The following LIPJ variants were observed in gnomAD, a reference collection of about 807,000 sequenced individuals.
LIPJ encodes the protein lipase member J.
A neutral mutation model predicts 39.8 loss-of-function variants in LIPJ; 33 were observed. The observed-to-expected ratio is 0.83, with a 90% confidence interval of 0.63 to 1.11. The LOEUF (loss-of-function observed/expected upper bound fraction) is 1.11. Ranked by LOEUF, LIPJ falls within the 50% of genes least tolerant of loss-of-function variation. The pLI is 0.00. For synonymous variants in LIPJ, 128 were observed against 139.2 expected (o/e 0.92, Z 0.57); for missense variants, 422 against 427.9 (o/e 0.99, Z 0.12).
upstream of LIPJ, chr10:88,583,661 T>C: frequency 1.0e-6 from 1 of 988,976 alleles, no homozygotes; most frequent in Non-Finnish European, 1.2e-6. Context: ...CGGGCAACCT[T>C]TCCTCTAATG....
intron 8 of LIPJ, among the ~76,000 whole-genome samples, chr10:88,598,933 A>T (rs1408613927): frequency 6.0e-5 from 8 of 133,214 alleles, no homozygotes; most frequent in African/African-American, 2.4e-4. Context: ...ATTTAATAAT[A>T]TAATATTTTA....
chr10:88,616,938 C>T, the LIPJ span, among the ~76,000 whole-genome samples: 1 of 152,120 alleles, frequency 6.6e-6, no homozygotes, highest in Non-Finnish European at 1.5e-5. Flanking sequence ...CTGCTTGGTC[C>T]CCAGTGTGTA....
chr10:88,594,522 T>C, intron 5 of LIPJ, 145 bp from the exon 6 acceptor site: 1 of 474,844 alleles, frequency 2.1e-6, no homozygotes, highest in Non-Finnish European at 3.7e-6. Context: ...GAAGTCTCTA[T>C]TCAGAAGATA....
intron 4 of LIPJ, chr10:88,591,731 G>T (rs1311786693): frequency 2.5e-5 from 7 of 278,888 alleles, no homozygotes; most frequent in Non-Finnish European, 4.7e-5. Flanking sequence ...TTCCTTTGTG[G>T]ATCACTTTGC....
At chr10:88,603,704 A>G (rs1373850924) in intron 9 of LIPJ, among the ~76,000 whole-genome samples, 2 of 152,196 alleles carry the variant, frequency 1.3e-5, no homozygotes, top group East Asian at 3.8e-4. Flanking sequence ...GAAAAGGCTA[A>G]TGATTATGAA....
At chr10:88,603,206 A>T (rs1283500800) in intron 9 of LIPJ, among the ~76,000 whole-genome samples, 1 of 152,236 alleles carries the variant, frequency 6.6e-6, no homozygotes, top group East Asian at 1.9e-4. Flanking sequence ...TTACAACAGT[A>T]GACTAGGGAT....
At chr10:88,586,024 G>C (rs908350872), upstream of LIPJ, among the ~76,000 whole-genome samples, 2 of 151,984 alleles carry the variant, frequency 1.3e-5, no homozygotes, top group East Asian at 3.9e-4. Flanking sequence ...ACTTATCTAT[G>C]GCAGAAGAAA....
the LIPJ span, among the ~76,000 whole-genome samples, chr10:88,619,926 T>G: frequency 7.9e-5 from 12 of 152,064 alleles, no homozygotes; most frequent in African/African-American, 2.7e-4. Flanking sequence ...AATTAAAAAC[T>G]TCTGCATTTT....
exon 5 of LIPJ, chr10:88,594,028 G>A: frequency 6.2e-7 from 1 of 1,612,326 alleles, no homozygotes; most frequent in Non-Finnish European, 8.5e-7. Context: ...ACAATAGTCT[G>A]GGCTTCATTC....
rs576632281 is a variant in LIPJ, at chr10:88,601,042, G to A, written c.724-1534G>A. 3.9e-5 allele frequency among the ~76,000 whole-genome samples: 6 copies of A among 152,018 alleles called. No homozygotes were observed. The South Asian group carries it at 8.3e-4, about 21-fold the overall frequency. On this transcript the variant is annotated intron_variant, in intron 8 of 10. Transcript: ENST00000371939. ...TGGCTCACTGCAACTTCTGCCTCCC[G>A]GGTTCAGGCAATTCTCCTCTCTCAG...
At chr10:88,610,597 T>A (rs187420178), downstream of LIPJ, among the ~76,000 whole-genome samples, 11 of 152,274 alleles carry the variant, frequency 7.2e-5, no homozygotes, top group African/African-American at 2.6e-4. Flanking sequence ...AAAACAATTT[T>A]AAAAAATTTT....
Position 88,590,708 on chromosome 10 carries a change from G to T in LIPJ, c.9+12G>T, listed in dbSNP as rs1285358418. 1 of 1,589,590 alleles carries T rather than the reference G, an allele frequency of 6.3e-7. No homozygotes were observed. The highest frequency in any genetic ancestry group is 8.6e-7 in the Non-Finnish European group (1 of 1,161,584). Reference sequence around the variant, plus strand: ...CAGATATGAATATTGTAAGTTGTTAGAAAATAAATCTGGACTGCTGAAATA... The same window carrying T: ...CAGATATGAATATTGTAAGTTGTTATAAAATAAATCTGGACTGCTGAAATA... On this transcript the variant is annotated intron_variant, in intron 3 of 10. Transcript: ENST00000371939.
At chr10:88,620,028 T>G in the LIPJ span, among the ~76,000 whole-genome samples, 235 of 152,204 alleles carry the variant, frequency 1.5e-3, 1 homozygote, top group African/African-American at 5.2e-3. Flanking sequence ...CCTCAGCAAT[T>G]TAAAGAAACA....
the LIPJ span, among the ~76,000 whole-genome samples, chr10:88,613,770 GTATATATATATA>G: frequency 0.012 from 913 of 75,530 alleles, 32 homozygotes; most frequent in African/African-American, 0.039. Context: ...ATGTGTGTGT[GTATATATATATA>G]TATATATATA....
intron 10 of LIPJ, among the ~76,000 whole-genome samples, chr10:88,606,228 G>A (rs1017409914): frequency 1.3e-5 from 2 of 152,032 alleles, no homozygotes; most frequent in South Asian, 2.1e-4. Context: ...TCATCTAAAC[G>A]CCAGGCTGAT....
downstream of LIPJ, chr10:88,607,099 T>A: frequency 2.3e-6 from 1 of 443,208 alleles, no homozygotes; most frequent in Admixed American, 4.3e-5. Context: ...AATGGCAGAT[T>A]ATAAATCAAT....
At chr10:88,619,815 G>A in the LIPJ span, among the ~76,000 whole-genome samples, 2 of 151,832 alleles carry the variant, frequency 1.3e-5, no homozygotes, top group African/African-American at 4.8e-5. Context: ...AGAAAACATG[G>A]GAGAAAATCT....
upstream of LIPJ, chr10:88,583,569 A>G: frequency 6.8e-6 from 7 of 1,030,252 alleles, no homozygotes; most frequent in Non-Finnish European, 8.2e-6. Context: ...ATCTACTGCG[A>G]TAACTCTCAT....
chr10:88,587,379 A>C (rs1244681084), exon 2 of LIPJ: 1 of 152,154 alleles, frequency 6.6e-6, no homozygotes, highest in Non-Finnish European at 1.5e-5. Flanking sequence ...CTTAAAATCA[A>C]CAAAAGCAGA....
Sources: allele counts gnomAD v4.1 joint callset (sites outside exome capture counted in the v4.1 genomes callset), GRCh38; gene constraint gnomAD v4.1.1; transcripts MANE v1.5; gene names NCBI Gene and HGNC (gene_info 2026-07-23, HGNC 2026-07-21).